The following KCTD1 variants were observed in gnomAD, a reference collection of about 807,000 sequenced individuals.
KCTD1 encodes BTB/POZ domain-containing protein KCTD1.
A neutral mutation model predicts 66.0 loss-of-function variants in KCTD1; 24 were observed. That is an observed-to-expected ratio of 0.36 (90% confidence interval 0.26 to 0.51). The LOEUF (loss-of-function observed/expected upper bound fraction) is 0.51. KCTD1 is among the 20% of genes least tolerant of loss of function. The probability of loss-of-function intolerance (pLI) is 0.95; values close to 1 mark genes in which losing one functional copy is unlikely to be tolerated. For synonymous variants in KCTD1, 511 were observed against 517.2 expected (o/e 0.99, Z 0.16); for missense variants, 943 against 1,205.2 (o/e 0.78, Z 3.22).
At chr18:26,580,478 C>G (rs1437648105) in intron 1 of KCTD1, among the ~76,000 whole-genome samples, 1 of 152,146 alleles carries the variant, frequency 6.6e-6, no homozygotes, top group East Asian at 1.9e-4. Context: ...CATAGCTAGG[C>G]AAGCAGCAGC....
chr18:26,597,504 T>C (rs534354175), intron 1 of KCTD1, among the ~76,000 whole-genome samples: 4 of 152,270 alleles, frequency 2.6e-5, no homozygotes, highest in Admixed American at 2.0e-4. Context: ...TTTTGCAAGA[T>C]AAGCAGATAT....
At chr18:26,559,949 T>C (rs1985805457) in intron 1 of KCTD1, among the ~76,000 whole-genome samples, 1 of 152,184 alleles carries the variant, frequency 6.6e-6, no homozygotes, top group South Asian at 2.1e-4. Context: ...AAGTTACAAG[T>C]TCTCGGATTT....
chr18:26,529,928 G>C (rs1984356246), intron 1 of KCTD1, among the ~76,000 whole-genome samples: 1 of 152,208 alleles, frequency 6.6e-6, no homozygotes, highest in Admixed American at 6.5e-5. Flanking sequence ...AACTCAGAAA[G>C]TGAGAAGAGG....
chr18:26,470,995 C>G (rs1454636846), intron 3 of KCTD1, among the ~76,000 whole-genome samples: 3 of 152,096 alleles, frequency 2.0e-5, no homozygotes, highest in Non-Finnish European at 4.4e-5. Context: ...GCCTTGTGGG[C>G]TCTGACAGGG....
chr18:26,548,090 G>A lies in KCTD1; in HGVS notation c.447C>T (p.Pro149=). 3.7e-6 allele frequency: 5 copies of A among 1,345,966 alleles called. 1 individual carries two copies. Among genetic ancestry groups the A allele is most frequent in the South Asian group, 4.2e-5 (2 of 48,170 alleles). 83.4% of individuals were successfully genotyped at this position (1,345,966 alleles called of 1,614,324 possible). A position where few individuals can be genotyped will look rare whatever the true frequency, so the allele number is the denominator to read the frequency against. Residue 149 remains proline (P), a synonymous_variant, in exon 1 of 5, where the codon CCC becomes CCT. Transcript: ENST00000580059. The part of the protein sequence containing the change: ...LLAPRARGGP[P]GDGSELDPDV... ...CGGGGTCCAGCTCGGAGCCGTCCCC[G>A]GGCGGCCCACCGCGGGCCCGGGGCG...
Position 26,548,140 on chromosome 18 carries a change from G to A in KCTD1, c.397C>T (p.Pro133Ser). ...INMDQSAALE[P>S]EAPPRLLAPR... is the part of the protein sequence containing the mutation. Reference sequence around the variant, plus strand: ...GCCAGCAGTCGCGGCGGCGCCTCGGGCTCCAGCGCGGCGCTCTGGTCCATA... The same window carrying A: ...GCCAGCAGTCGCGGCGGCGCCTCGGACTCCAGCGCGGCGCTCTGGTCCATA... The change falls in exon 1 of 5, where the codon CCC becomes TCC. Residue 133 changes from proline (P) to serine (S), a missense_variant. Physicochemically the swap from Pro to Ser is moderately conservative, Grantham distance 74 (BLOSUM62 -1). Around this residue, in one of 10 missense-constraint regions of KCTD1, gnomAD observed 236 missense variants for 206.6 expected, o/e 1.14. Coordinates refer to ENST00000580059, the MANE Select transcript of KCTD1 (RefSeq NM_001142730.3). 1 of 1,338,958 alleles carries A rather than the reference G, an allele frequency of 7.5e-7. No homozygotes were observed. Among genetic ancestry groups the A allele is most frequent in the Admixed American group, 3.6e-5 (1 of 27,764 alleles). The allele number at this position is 1,338,958 out of a possible 1,614,324, so 82.9% of individuals were successfully genotyped here. A position where few individuals can be genotyped will look rare whatever the true frequency, so the allele number is the denominator to read the frequency against.
chr18:26,526,349 T>A (rs905568727), intron 1 of KCTD1, among the ~76,000 whole-genome samples: 1 of 152,152 alleles, frequency 6.6e-6, no homozygotes. Flanking sequence ...CGGGATTCCT[T>A]CCAGCTCTTG....
chr18:26,474,070 T>C (rs1981215838), intron 3 of KCTD1, among the ~76,000 whole-genome samples: 1 of 152,216 alleles, frequency 6.6e-6, no homozygotes, highest in African/African-American at 2.4e-5. Context: ...TATGCATTTA[T>C]ATATGCATAC....
In KCTD1 at chr18:26,647,828, CT is replaced by C. The variant is rs398120240; in HGVS notation, c.9+9531del. ...TAGCCGTTTAACAAATCACCTAGAT[CT>C]TTTTTTTTGTTTTGTTTTGTTTTTG... On this transcript the variant is annotated intron_variant, in intron 1 of 4. Transcript: ENST00000580191. Among the ~76,000 whole-genome samples the C allele has an allele frequency of 1.1e-3, 161 of 150,750 alleles. 1 individual carries two copies. Among genetic ancestry groups the C allele is most frequent in the African/African-American group, 3.6e-3 (150 of 41,110 alleles).
chr18:26,604,854 T>C (rs1367062077), intron 1 of KCTD1, among the ~76,000 whole-genome samples: 2 of 152,110 alleles, frequency 1.3e-5, no homozygotes, highest in African/African-American at 4.8e-5. Flanking sequence ...AGTTTATCTA[T>C]GTAACAAACC....
At chr18:26,524,365 A>G (rs764962332) in intron 1 of KCTD1, among the ~76,000 whole-genome samples, 1 of 152,172 alleles carries the variant, frequency 6.6e-6, no homozygotes, top group Non-Finnish European at 1.5e-5. Flanking sequence ...TTCCCCTAAT[A>G]CAGACAAAAT....
intron 1 of KCTD1, among the ~76,000 whole-genome samples, chr18:26,512,347 C>T (rs1983379137): frequency 6.6e-6 from 1 of 152,052 alleles, no homozygotes; most frequent in Admixed American, 6.6e-5. Flanking sequence ...AGGCAATCCG[C>T]CTGCCTCTGC....
At position 26,485,728 on chromosome 18, in the gene KCTD1, C is replaced by T. The variant is rs142727408; in HGVS notation, c.1989-9069G>A. 2.7e-3 allele frequency among the ~76,000 whole-genome samples: 409 copies of T among 152,206 alleles called. 5 individuals are homozygous for T. The highest frequency in any genetic ancestry group is 1.9e-3 in the Non-Finnish European group (127 of 68,008). On this transcript the variant is annotated intron_variant, in intron 2 of 4. Transcript: ENST00000580059. ...GAGCATATGCACAGAACCTGCCCCA[C>T]AGCCCACGCCCACCCTCCTCTCAAC...
At chr18:26,622,681 G>T (rs1033360628) in intron 1 of KCTD1, among the ~76,000 whole-genome samples, 1 of 152,168 alleles carries the variant, frequency 6.6e-6, no homozygotes, top group Non-Finnish European at 1.5e-5. Flanking sequence ...CCTAGTTTGG[G>T]TGGCAGAGGT....
chr18:26,492,872 G>A (rs145825928), intron 2 of KCTD1, among the ~76,000 whole-genome samples: 35 of 151,944 alleles, frequency 2.3e-4, no homozygotes, highest in African/African-American at 5.6e-4. Flanking sequence ...TATAAATACC[G>A]TCCCTACCTA....
Position 26,459,869 on chromosome 18 carries a change from C to T in KCTD1, c.2190G>A (p.Leu730=), listed in dbSNP as rs774279420. ...AKYFQLQPML[L]EMERWKQDRE... is the part of the protein sequence containing the mutation. ...TGTCCTGCTTCCATCTTTCCATCTC[C>T]AACAACATGGGCTGAAGCTGAAAAT... Residue 730 remains leucine (L), a synonymous_variant, in exon 4 of 5, where the codon TTG becomes TTA. Coordinates refer to ENST00000580059, the MANE Select transcript of KCTD1 (RefSeq NM_001142730.3). 1 of 1,612,450 alleles carries T rather than the reference C, an allele frequency of 6.2e-7. No individual in the cohort carries two copies. The highest frequency in any genetic ancestry group is 1.3e-5 in the African/African-American group (1 of 74,944).
chr18:26,546,586 C>T (rs1985231241), intron 1 of KCTD1, 142 bp downstream of exon 1: 2 of 988,992 alleles, frequency 2.0e-6, no homozygotes, highest in Admixed American at 3.4e-5. Flanking sequence ...AGAGAGTTAA[C>T]TTCTAAGGGT....
chr18:26,498,862 T>C (rs747666797), intron 2 of KCTD1, among the ~76,000 whole-genome samples: 4 of 152,202 alleles, frequency 2.6e-5, no homozygotes, highest in Non-Finnish European at 5.9e-5. Flanking sequence ...AGTCTTTACC[T>C]CATAATATAT....
upstream of KCTD1, among the ~76,000 whole-genome samples, chr18:26,550,602 A>ACACACACACC: frequency 6.7e-6 from 1 of 149,234 alleles, no homozygotes; most frequent in South Asian, 2.2e-4. The surrounding 1 kb of genome is among the most constrained non-coding windows in gnomAD (Gnocchi z 5.4). Context: ...ACACACACAC[A>ACACACACACC]CACCACGCTC....
Sources: gnomAD v4.1 joint callset for allele counts (sites outside exome capture counted in the v4.1 genomes callset) on GRCh38, gnomAD v4.1.1 for gene constraint, gnomAD v4.1.1 regional missense constraint, Gnocchi (gnomAD v3.1) non-coding constraint, MANE v1.5 for transcripts, NCBI Gene and HGNC (gene_info 2026-07-23, HGNC 2026-07-21) for gene names.